The following RBFOX1 variants were observed in gnomAD, a reference collection of about 807,000 sequenced individuals.
RBFOX1 encodes the protein RNA binding protein fox-1 homolog 1.
A neutral mutation model predicts 57.7 loss-of-function variants in RBFOX1; 8 were observed. The observed-to-expected ratio is 0.14, with a 90% confidence interval of 0.08 to 0.25. The LOEUF is 0.25. RBFOX1 is among the 10% of genes least tolerant of loss of function. The pLI, the probability that RBFOX1 is intolerant of heterozygous loss-of-function variation, is 1.00. For synonymous variants in RBFOX1, 326 were observed against 222.4 expected, an observed-to-expected ratio of 1.47 and a Z score of -4.15; for missense variants, 611 against 548.5, an observed-to-expected ratio of 1.11 and a Z score of -1.14.
At chr16:7,001,552 G>T (rs1413962468) in intron 3 of RBFOX1, among the ~76,000 whole-genome samples, 1 of 152,056 alleles carries the variant, frequency 6.6e-6, no homozygotes, top group Non-Finnish European at 1.5e-5. Flanking sequence ...CGCCTCCCGG[G>T]TTCAAGTGAT....
chr16:6,503,812 A>G (rs780181297), intron 2 of RBFOX1, among the ~76,000 whole-genome samples: 2 of 152,178 alleles, frequency 1.3e-5, no homozygotes, highest in Non-Finnish European at 2.9e-5. Flanking sequence ...TGGAAAAGGT[A>G]TATGCAAATG....
intron 3 of RBFOX1, among the ~76,000 whole-genome samples, chr16:6,961,545 C>G (rs36114664): frequency 0.63 from 96,398 of 152,092 alleles, 30,634 homozygotes; most frequent in African/African-American, 0.65. Flanking sequence ...GTTTATTAGA[C>G]GAGCGAAGAA....
chr16:6,432,001 A>T (rs1007826185), intron 2 of RBFOX1, among the ~76,000 whole-genome samples: 1 of 148,664 alleles, frequency 6.7e-6, no homozygotes, highest in Non-Finnish European at 1.5e-5. Flanking sequence ...ATATTCTATC[A>T]CCAAGGCTGT....
intron 2 of RBFOX1, among the ~76,000 whole-genome samples, chr16:6,530,504 C>T (rs1334936699): frequency 6.6e-6 from 1 of 152,180 alleles, no homozygotes; most frequent in East Asian, 1.9e-4. Context: ...ATAACTATCA[C>T]AGATACCTCA....
At position 7,712,992 on chromosome 16, in the gene RBFOX1, G is replaced by A. The variant is rs1026574939; in HGVS notation, c.*2247G>A. On this transcript the variant is annotated 3_prime_UTR_variant, in exon 16 of 16. Coordinates refer to ENST00000550418, the MANE Select transcript of RBFOX1 (RefSeq NM_018723.4). Reference sequence around the variant, plus strand: ...TTTAATAAAATCATTTAGAGTGAGTGAGTGCCAACCGATGTTGCAGAATCT... The same window carrying A: ...TTTAATAAAATCATTTAGAGTGAGTAAGTGCCAACCGATGTTGCAGAATCT... 1.3e-5 allele frequency: 2 copies of A among 152,192 alleles called. No homozygotes were observed. Among genetic ancestry groups the A allele is most frequent in the Non-Finnish European group, 2.9e-5 (2 of 68,044 alleles). 9.4% of individuals were successfully genotyped at this position (152,192 alleles called of 1,614,324 possible).
At chr16:5,825,995 G>T (rs1165931794) in intron 3 of RBFOX1, among the ~76,000 whole-genome samples, 1 of 112,162 alleles carries the variant, frequency 8.9e-6, no homozygotes, top group African/African-American at 3.7e-5. Flanking sequence ...ATATGAATAA[G>T]GAATAATATT....
chr16:7,177,980 G>A (rs1401440363), intron 4 of RBFOX1, among the ~76,000 whole-genome samples: 1 of 152,114 alleles, frequency 6.6e-6, no homozygotes, highest in Non-Finnish European at 1.5e-5. Context: ...CTCACGCTCT[G>A]GTTCCTTTCT....
intron 2 of RBFOX1, among the ~76,000 whole-genome samples, chr16:6,450,779 ATATATATATACATATATATATG>A (rs1567302804): frequency 7.0e-4 from 42 of 59,656 alleles, no homozygotes; most frequent in African/African-American, 3.6e-3. Flanking sequence ...ATATATATAT[ATATATATATACATATATATATG>A]TATATATATA....
intron 3 of RBFOX1, among the ~76,000 whole-genome samples, chr16:6,760,984 T>C (rs992391192): frequency 8.5e-5 from 13 of 152,188 alleles, no homozygotes; most frequent in African/African-American, 3.1e-4. Flanking sequence ...TCCCTAAAAG[T>C]TGACTGAGCC....
At chr16:6,872,399 T>C (rs2061085637) in intron 3 of RBFOX1, among the ~76,000 whole-genome samples, 1 of 152,136 alleles carries the variant, frequency 6.6e-6, no homozygotes, top group African/African-American at 2.4e-5. Context: ...ACCATAGCTC[T>C]TTTTTTAATC....
At chr16:6,827,404 G>T (rs1442011077) in intron 3 of RBFOX1, among the ~76,000 whole-genome samples, 1 of 152,144 alleles carries the variant, frequency 6.6e-6, no homozygotes, top group Non-Finnish European at 1.5e-5. Context: ...TGGAGGGGAA[G>T]TGCTTATAGG....
Position 6,441,277 on chromosome 16 carries a change from A to G in RBFOX1, c.-64+124220A>G, listed in dbSNP as rs77755315. 1.4e-3 allele frequency among the ~76,000 whole-genome samples: 219 copies of G among 152,274 alleles called. 1 individual carries two copies. The highest frequency in any genetic ancestry group is 4.9e-3 in the African/African-American group (204 of 41,564). On this transcript the variant is annotated intron_variant, in intron 2 of 15. Coordinates refer to ENST00000550418, the MANE Select transcript of RBFOX1 (RefSeq NM_018723.4). ...AGAGAGTTGTAAGTATCTCTGGGGA[A>G]CAAATAGGACCCAGACATCCTAAGG...
rs1596516173 is a variant in RBFOX1 at position 7,364,988 on chromosome 16, C to A, written c.28-153159C>A. Among the ~76,000 whole-genome samples the A allele has an allele frequency of 5.3e-5, 8 of 152,174 alleles. 1 individual carries two copies. In the South Asian group the frequency reaches 1.7e-3, roughly 32 times the overall value. On this transcript the variant is annotated intron_variant, in intron 4 of 15. Transcript: ENST00000550418. ...TGAGACCTACAATGATCAGATGATT[C>A]TTTTGGGGAATCTATCTGTCTGTCT... is the stretch of plus-strand genomic sequence containing the variant.
chr16:6,939,697 A>G (rs1357947769), intron 3 of RBFOX1, among the ~76,000 whole-genome samples: 1 of 151,802 alleles, frequency 6.6e-6, no homozygotes, highest in Non-Finnish European at 1.5e-5. Context: ...TCTTTGGTAG[A>G]GTTGAGGCTT....
intron 2 of RBFOX1, among the ~76,000 whole-genome samples, chr16:5,468,511 A>C (rs1012590326): frequency 2.6e-5 from 4 of 152,196 alleles, no homozygotes; most frequent in African/African-American, 9.7e-5. Context: ...CCAAAAGTTA[A>C]ACATAGAATT....
chr16:6,957,209 G>A (rs527668269), intron 3 of RBFOX1, among the ~76,000 whole-genome samples: 2 of 151,030 alleles, frequency 1.3e-5, no homozygotes, highest in South Asian at 2.1e-4. Context: ...TCGGCTCACT[G>A]CAAGCTCCGC....
At chr16:5,677,968 C>A (rs547407920) in intron 3 of RBFOX1, among the ~76,000 whole-genome samples, 1 of 152,284 alleles carries the variant, frequency 6.6e-6, no homozygotes, top group South Asian at 2.1e-4. Flanking sequence ...ATGTCAGATG[C>A]TCATGGTGGA....
At chr16:6,981,049 A>AAAAAAAAAAAAAAAAAAAAAAAC in intron 3 of RBFOX1, among the ~76,000 whole-genome samples, 1 of 151,042 alleles carries the variant, frequency 6.6e-6, no homozygotes, top group African/African-American at 2.4e-5. Context: ...TCTCAAAAAA[A>AAAAAAAAAAAAAAAAAAAAAAAC]AAAAAAAAAA....
At chr16:7,215,510 G>T (rs911667324) in intron 4 of RBFOX1, among the ~76,000 whole-genome samples, 1 of 152,032 alleles carries the variant, frequency 6.6e-6, no homozygotes, top group Non-Finnish European at 1.5e-5. Flanking sequence ...TATGAGATAC[G>T]ATTTACACAG....
Sources: gnomAD v4.1 joint callset for allele counts (sites outside exome capture counted in the v4.1 genomes callset) on GRCh38, gnomAD v4.1.1 for gene constraint, MANE v1.5 for transcripts, NCBI Gene and HGNC (gene_info 2026-07-23, HGNC 2026-07-21) for gene names.